The following ABCE1 variants were observed in gnomAD, a reference collection of about 807,000 sequenced individuals.
ABCE1 encodes the protein ATP binding cassette subfamily E member 1, also known as ATP-binding cassette sub-family E member 1.
In ABCE1, 22 loss-of-function variants were observed where a neutral mutation model predicts 83.4. The ratio of observed to expected loss-of-function variants is 0.26; its 90% CI spans 0.19 to 0.38. The LOEUF (loss-of-function observed/expected upper bound fraction) is 0.38, where lower values mean the gene tolerates loss of function less well. Among genes scored for constraint, ABCE1 ranks in the 10% least tolerant of loss-of-function variants. The pLI is 1.00. For synonymous variants in ABCE1, 204 were observed against 233.7 expected, an observed-to-expected ratio of 0.87 and a Z score of 1.16; for missense variants, 330 against 721.9, an observed-to-expected ratio of 0.46 and a Z score of 6.22.
chr4:145,125,228 G>A, intron 17 of ABCE1, 127 bp downstream of exon 17: 1 of 633,768 alleles, frequency 1.6e-6, no homozygotes, highest in Non-Finnish European at 2.7e-6. Context: ...GCACTTTTGG[G>A]AGGCCAAGGC....
chr4:145,116,888 C>G (rs1380529473), intron 9 of ABCE1, among the ~76,000 whole-genome samples: 1 of 151,878 alleles, frequency 6.6e-6, no homozygotes, highest in Non-Finnish European at 1.5e-5. Flanking sequence ...GGATTCTGTC[C>G]TATCTTTGTG....
chr4:145,104,993 T>C (rs940747747), intron 2 of ABCE1, among the ~76,000 whole-genome samples: 9 of 152,170 alleles, frequency 5.9e-5, no homozygotes, highest in Non-Finnish European at 1.2e-4. Context: ...GTTGAAAAAT[T>C]ATTGGTAGTC....
intron 9 of ABCE1, among the ~76,000 whole-genome samples, chr4:145,115,512 G>A (rs530974964): frequency 1.3e-5 from 2 of 151,646 alleles, no homozygotes; most frequent in Non-Finnish European, 3.0e-5. Context: ...TCTTAGACCT[G>A]CTCTTATTTT....
At chr4:145,125,126 C>A in intron 17 of ABCE1, 25 bp downstream of exon 17, 1 of 1,462,820 alleles carries the variant, frequency 6.8e-7, no homozygotes, top group Non-Finnish European at 9.6e-7. Context: ...TGTCTTAAAT[C>A]ATGGATTACT....
In ABCE1 at chr4:145,128,008, C is replaced by T. The variant is rs1404821730; in HGVS notation, c.*435C>T. The T allele has an allele frequency of 6.5e-6, 1 of 153,752 alleles. No individual in the cohort carries two copies. The highest frequency in any genetic ancestry group is 2.4e-5 in the African/African-American group (1 of 41,458). 9.5% of individuals were successfully genotyped at this position (153,752 alleles called of 1,614,324 possible). A position where few individuals can be genotyped will look rare whatever the true frequency, so the allele number is the denominator to read the frequency against. On this transcript the variant is annotated 3_prime_UTR_variant, in exon 18 of 18. Coordinates refer to ENST00000296577, the MANE Select transcript of ABCE1 (RefSeq NM_002940.3). ...TTATTTTAAAAGCCAGTCAAAGATT[C>T]CACTGATTGACATTTGATAAATAAA...
rs1361276751 is a variant in ABCE1 at position 145,124,993 on chromosome 4, T to C, written c.1644T>C (p.Pro548=). ...TTGATTTTTTTTTTTCTCTTAGTCCTCAAACCCTTTTGGCTGGCATGAATA... is the reference window on the plus strand; with the variant it reads ...TTGATTTTTTTTTTTCTCTTAGTCCCCAAACCCTTTTGGCTGGCATGAATA... ...VPSKNTVANS[P]QTLLAGMNKF... is the part of the protein sequence containing the mutation. Residue 548 remains proline (P), a synonymous_variant, in exon 17 of 18, where the codon CCT becomes CCC. Coordinates refer to ENST00000296577, the MANE Select transcript of ABCE1 (RefSeq NM_002940.3). 17 of 1,608,618 alleles carry C rather than the reference T, an allele frequency of 1.1e-5. No individual in the cohort carries two copies. The highest frequency in any genetic ancestry group is 1.3e-5 in the African/African-American group (1 of 74,718).
At chr4:145,104,114 A>G (rs577180611) in intron 1 of ABCE1, among the ~76,000 whole-genome samples, 12 of 152,002 alleles carry the variant, frequency 7.9e-5, no homozygotes, top group African/African-American at 2.9e-4. Context: ...GTATATTCCT[A>G]GATATTTTCT....
In ABCE1 at chr4:145,112,611, T is replaced by TTC. The variant is rs964472234; in HGVS notation, c.800+293_800+294dup. ...CCCTTAGCTTTTACCAGCTATCTTTTTCTCTCTCTCTGTCTCTCATTTTCA... is the reference window on the plus strand; with the variant it reads ...CCCTTAGCTTTTACCAGCTATCTTTTTCTCTCTCTCTCTGTCTCTCATTTTCA... On this transcript the variant is annotated intron_variant, in intron 9 of 17. Coordinates refer to ENST00000296577, the MANE Select transcript of ABCE1 (RefSeq NM_002940.3). 1.0e-3 allele frequency among the ~76,000 whole-genome samples: 156 copies of TTC among 152,222 alleles called. 1 individual carries two copies. Among genetic ancestry groups the TTC allele is most frequent in the African/African-American group, 3.6e-3 (148 of 41,530 alleles).
intron 9 of ABCE1, 100 bp downstream of exon 9, chr4:145,112,428 T>C (rs1281396302): frequency 2.3e-6 from 2 of 856,448 alleles, no homozygotes; most frequent in South Asian, 1.7e-5. Flanking sequence ...TGTACATATT[T>C]TTTATCTTGG....
chr4:145,105,630 C>T lies in ABCE1; in HGVS notation c.129C>T (p.Pro43=). 1 of 1,607,192 alleles carries T rather than the reference C, an allele frequency of 6.2e-7. No individual in the cohort carries two copies. Among genetic ancestry groups the T allele is most frequent in the Non-Finnish European group, 8.5e-7 (1 of 1,175,512 alleles). Residue 43 remains proline (P), a synonymous_variant, in exon 3 of 18, where the codon CCC becomes CCT. Coordinates refer to ENST00000296577, the MANE Select transcript of ABCE1 (RefSeq NM_002940.3). The stretch of plus-strand genomic sequence containing the variant: ...GAAAATTATGCATAGAGGTTACACC[C>T]CAGAGCAAAATAGCATGGATTTCCG... ...RMGKLCIEVT[P]QSKIAWISET...
intron 10 of ABCE1, among the ~76,000 whole-genome samples, chr4:145,118,768 T>G (rs935210865): frequency 6.6e-6 from 1 of 151,882 alleles, no homozygotes; most frequent in Non-Finnish European, 1.5e-5. Flanking sequence ...CTTTAATATA[T>G]TGAAATCAGT....
At chr4:145,102,728 T>C (rs945578700) in intron 1 of ABCE1, among the ~76,000 whole-genome samples, 6 of 152,158 alleles carry the variant, frequency 3.9e-5, no homozygotes, top group Non-Finnish European at 8.8e-5. Flanking sequence ...AATCAAGAGA[T>C]AATGAAAGGT....
chr4:145,102,395 A>G (rs1749176373), intron 1 of ABCE1, among the ~76,000 whole-genome samples: 1 of 152,194 alleles, frequency 6.6e-6, no homozygotes, highest in Non-Finnish European at 1.5e-5. Context: ...AGAATGAGCC[A>G]GTGGAGAGAA....
chr4:145,106,426 A>C (rs1023000605), intron 3 of ABCE1, among the ~76,000 whole-genome samples: 1 of 152,070 alleles, frequency 6.6e-6, no homozygotes, highest in African/African-American at 2.4e-5. Context: ...AAATATAAAC[A>C]GGAAGCATTC....
rs1390198130 is a variant in ABCE1, at chr4:145,129,359, T to G, written c.*1786T>G. Among the ~76,000 whole-genome samples, 4 of 152,032 alleles carry G rather than the reference T, an allele frequency of 2.6e-5. No individual in the cohort carries two copies. The highest frequency in any genetic ancestry group is 9.7e-5 in the African/African-American group (4 of 41,384). ...ACAAGAAAAATACTTATAAAATCAG[T>G]ATAAAATCAATGCAGATGTTAGCAA... On this transcript the variant is annotated 3_prime_UTR_variant, in exon 18 of 18. Transcript: ENST00000296577.
intron 9 of ABCE1, among the ~76,000 whole-genome samples, chr4:145,113,316 C>T (rs1230236973): frequency 2.0e-5 from 3 of 152,122 alleles, no homozygotes; most frequent in Non-Finnish European, 4.4e-5. Flanking sequence ...CACTGAGCTC[C>T]CTGGAAGTGA....
At chr4:145,112,202 C>T in intron 8 of ABCE1, 37 bp from the exon 9 acceptor site, 3 of 1,422,932 alleles carry the variant, frequency 2.1e-6, no homozygotes, top group Non-Finnish European at 2.8e-6. Flanking sequence ...TCTTGTCTTT[C>T]AAACTTATAT....
chr4:145,119,907 C>T lies in ABCE1; in HGVS notation c.923-25C>T, dbSNP rs370289432. ...GGATTTTGGCTCTAATGATTTCTCCCGGTTGACAATTTTCTTCCCAACAGG... is the reference window on the plus strand; with the variant it reads ...GGATTTTGGCTCTAATGATTTCTCCTGGTTGACAATTTTCTTCCCAACAGG... On this transcript the variant is annotated intron_variant, in intron 10 of 17. Transcript: ENST00000296577. 21 of 1,571,664 alleles carry T rather than the reference C, an allele frequency of 1.3e-5. No individual in the cohort carries two copies. The African/African-American group carries it at 1.4e-4, about 10-fold the overall frequency.
At chr4:145,108,917 T>C (rs1749385626) in intron 4 of ABCE1, among the ~76,000 whole-genome samples, 1 of 152,226 alleles carries the variant, frequency 6.6e-6, no homozygotes, top group Admixed American at 6.5e-5. Context: ...TTTCTAACAA[T>C]TAACAGTGTA....
Sources: allele counts gnomAD v4.1 joint callset (sites outside exome capture counted in the v4.1 genomes callset), GRCh38; gene constraint gnomAD v4.1.1; transcripts MANE v1.5; gene names NCBI Gene and HGNC (gene_info 2026-07-23, HGNC 2026-07-21).